Variants in AP2A2 observed in about 807,000 individuals in gnomAD.
AP2A2 encodes adaptor related protein complex 2 subunit alpha 2.
A neutral mutation model predicts 104.2 loss-of-function variants in AP2A2; 32 were observed. The observed-to-expected ratio is 0.31, with a 90% CI of 0.23 to 0.41. The LOEUF (loss-of-function observed/expected upper bound fraction) is 0.41. Ranked by LOEUF, AP2A2 falls within the 10% of genes least tolerant of loss-of-function variation. The pLI, the probability that AP2A2 is intolerant of heterozygous loss-of-function variation, is 1.00. For synonymous variants in AP2A2, 539 were observed against 533.3 expected, an observed-to-expected ratio of 1.01 and a Z score of -0.15; for missense variants, 912 against 1,261.0, an observed-to-expected ratio of 0.72 and a Z score of 4.19.
intron 1 of AP2A2, among the ~76,000 whole-genome samples, chr11:934,923 A>G (rs1004727528): frequency 6.6e-6 from 1 of 151,638 alleles, no homozygotes; most frequent in Admixed American, 6.6e-5. Context: ...CAGTGGCGCA[A>G]TCTTGGTTAA....
rs1397757795 is a variant in AP2A2, at chr11:1,010,573, G to A, written c.2768G>A (p.Ser923Asn). The change falls in exon 22 of 22, where the codon AGT becomes AAT. Residue 923 changes from serine (S) to asparagine (N), a missense_variant. This residue lies in a region of AP2A2 where 239 missense variants were observed against 329.8 expected (regional missense o/e 0.72). Coordinates refer to ENST00000448903, the MANE Select transcript of AP2A2 (RefSeq NM_012305.4). ...ATGTACCGGCTCACGCTGCGCACAA[G>A]TAAGGAAGCCGTTTCTCAGAGATTA... ...AQMYRLTLRT[S>N]KEAVSQRLCE... The A allele has an allele frequency of 6.3e-7, 1 of 1,597,754 alleles. No individual in the cohort carries two copies. The highest frequency in any genetic ancestry group is 1.7e-5 in the Admixed American group (1 of 57,962).
chr11:1,009,020 C>T (rs758145584), intron 18 of AP2A2, 80 bp from the exon 19 acceptor site: 26 of 1,205,902 alleles, frequency 2.2e-5, no homozygotes, highest in Non-Finnish European at 3.0e-5. Context: ...GGACGCTTCT[C>T]ACTCCAGGCT....
At chr11:951,430 G>A (rs975837886) in intron 1 of AP2A2, among the ~76,000 whole-genome samples, 2 of 152,194 alleles carry the variant, frequency 1.3e-5, no homozygotes, top group Admixed American at 1.3e-4. Context: ...GGGAGGCTGA[G>A]GCAGGAGAAT....
rs570471091 is a variant in AP2A2, at chr11:968,080, C to T, written c.137-2089C>T. ...CACCGAGATGGGTGAGGGTGTGGAG[C>T]GAGCATTGCTGCTTGTTTCCTGTGG... On this transcript the variant is annotated intron_variant, in intron 2 of 21. Transcript: ENST00000448903. The surrounding 1 kb of genome is among the most constrained non-coding windows in gnomAD (Gnocchi z 4.2). Among the ~76,000 whole-genome samples the T allele has an allele frequency of 3.3e-5, 5 of 152,094 alleles. No homozygotes were observed. Among genetic ancestry groups the T allele is most frequent in the African/African-American group, 7.2e-5 (3 of 41,410 alleles).
chr11:930,943 G>A (rs1024999932), intron 1 of AP2A2, among the ~76,000 whole-genome samples: 28 of 152,336 alleles, frequency 1.8e-4, no homozygotes, highest in African/African-American at 6.7e-4. Context: ...ACGTGTGTGT[G>A]TGTGGTTCTA....
At chr11:996,023 C>G (rs886264633) in intron 14 of AP2A2, 6 of 152,206 alleles carry the variant, frequency 3.9e-5, no homozygotes, top group Admixed American at 1.3e-4. Context: ...TGGGACGTCA[C>G]TAGCCAGGCG....
intron 3 of AP2A2, 86 bp from the exon 4 acceptor site, chr11:971,976 T>C: frequency 7.5e-7 from 1 of 1,340,870 alleles, no homozygotes; most frequent in African/African-American, 1.5e-5. Context: ...TCCGCATCTG[T>C]GTGTCACTGA....
At chr11:965,463 C>G (rs1381533643) in intron 2 of AP2A2, among the ~76,000 whole-genome samples, 6 of 152,216 alleles carry the variant, frequency 3.9e-5, no homozygotes, top group Non-Finnish European at 8.8e-5. Flanking sequence ...GATCTTTATC[C>G]TTTAATGAGG....
intron 1 of AP2A2, among the ~76,000 whole-genome samples, chr11:937,852 A>T (rs924518556): frequency 6.6e-6 from 1 of 152,188 alleles, no homozygotes; most frequent in Non-Finnish European, 1.5e-5. Flanking sequence ...TTATTTACAG[A>T]TAAGGAAACT....
At chr11:972,031 G>A (rs758205865) in intron 3 of AP2A2, 31 bp from the exon 4 acceptor site, 5 of 1,589,202 alleles carry the variant, frequency 3.1e-6, no homozygotes, top group Non-Finnish European at 4.3e-6. Context: ...ATTGTCATGA[G>A]CTTTCTCTTC....
At chr11:979,546 GAT>G (rs768350049) in intron 5 of AP2A2, among the ~76,000 whole-genome samples, 69 of 152,222 alleles carry the variant, frequency 4.5e-4, no homozygotes, top group Non-Finnish European at 5.0e-4. Flanking sequence ...GTGGTGGGGG[GAT>G]TGCATCAGTC....
Position 968,617 on chromosome 11 carries a change from G to A in AP2A2, c.137-1552G>A, listed in dbSNP as rs1371886305. On this transcript the variant is annotated intron_variant, in intron 2 of 21. Transcript: ENST00000448903. The surrounding 1 kb of genome is among the most constrained non-coding windows in gnomAD (Gnocchi z 4.2). ...CTGTGGTTGTCCAAGGCGGCTTCCAGCGGGTGATGGAATCTGGGCTGGGTA... is the reference window on the plus strand; with the variant it reads ...CTGTGGTTGTCCAAGGCGGCTTCCAACGGGTGATGGAATCTGGGCTGGGTA... 6.6e-6 allele frequency among the ~76,000 whole-genome samples: 1 copy of A among 152,162 alleles called. No homozygotes were observed. The highest frequency in any genetic ancestry group is 1.5e-5 in the Non-Finnish European group (1 of 68,032).
At chr11:962,869 C>T (rs545838523) in intron 2 of AP2A2, among the ~76,000 whole-genome samples, 11 of 152,194 alleles carry the variant, frequency 7.2e-5, no homozygotes, top group South Asian at 2.1e-4. Flanking sequence ...GTTGAGCACG[C>T]GCGTACCCTG....
In AP2A2 at chr11:993,449, G is replaced by A. The variant is rs544330469; in HGVS notation, c.1550+68G>A. ...GGCCTCTCGGTGGTCGGTGGCAAGA[G>A]GCGAGGCACCAGCTGGCCCTGCCGT... On this transcript the variant is annotated intron_variant, in intron 12 of 21. Coordinates refer to ENST00000448903, the MANE Select transcript of AP2A2 (RefSeq NM_012305.4). The surrounding 1 kb of genome is among the most constrained non-coding windows in gnomAD (Gnocchi z 8.2). The A allele has an allele frequency of 6.7e-4, 757 of 1,131,656 alleles. 4 individuals carry two copies. In the African/African-American group the frequency reaches 0.015, roughly 22 times the overall value. The allele number at this position is 1,131,656 out of a possible 1,614,324, so 70.1% of individuals were successfully genotyped here. A position where few individuals can be genotyped will look rare whatever the true frequency, so the allele number is the denominator to read the frequency against.
intron 4 of AP2A2, 58 bp from the exon 5 acceptor site, chr11:977,035 CCG>C: frequency 1.9e-6 from 3 of 1,604,460 alleles, no homozygotes; most frequent in Non-Finnish European, 2.6e-6. Flanking sequence ...GGGGGGTGCT[CCG>C]TGCAGCTCTG....
intron 1 of AP2A2, among the ~76,000 whole-genome samples, chr11:958,677 T>C (rs1854320366): frequency 6.6e-6 from 1 of 152,184 alleles, no homozygotes; most frequent in Non-Finnish European, 1.5e-5. Flanking sequence ...TATTAGTACC[T>C]AACCATATTT....
In AP2A2 at chr11:963,636, A is replaced by G. The variant is rs564266213; in HGVS notation, c.136+4131A>G. Among the ~76,000 whole-genome samples, 54 of 152,246 alleles carry G rather than the reference A, an allele frequency of 3.5e-4. No homozygotes were observed. The Middle Eastern group carries it at 0.01, about 29-fold the overall frequency. On this transcript the variant is annotated intron_variant, in intron 2 of 21. Transcript: ENST00000448903. ...AAACAGTTGATCAATTGATTGATCT[A>G]TTGATTTACTGAGACAAGATCTTGC...
intron 5 of AP2A2, among the ~76,000 whole-genome samples, chr11:978,241 C>CGG (rs1452068619): frequency 2.6e-5 from 4 of 152,100 alleles, no homozygotes; most frequent in Non-Finnish European, 5.9e-5. Flanking sequence ...GCTGAGGGAC[C>CGG]GGGGCTGCCT....
chr11:1,007,002 G>A, intron 17 of AP2A2: 1 of 178,352 alleles, frequency 5.6e-6, no homozygotes, highest in East Asian at 1.6e-4. Context: ...GGGGACTGGA[G>A]CGCGGTGCGC....
Sources: gnomAD v4.1 joint callset for allele counts (sites outside exome capture counted in the v4.1 genomes callset) on GRCh38, gnomAD v4.1.1 for gene constraint, gnomAD v4.1.1 regional missense constraint, Gnocchi (gnomAD v3.1) non-coding constraint, MANE v1.5 for transcripts, NCBI Gene and HGNC (gene_info 2026-07-23, HGNC 2026-07-21) for gene names.